Variants in SLC25A27 observed in about 807,000 individuals in gnomAD.
SLC25A27 encodes the protein mitochondrial uncoupling protein 4.
SLC25A27 carries 35 observed loss-of-function variants against 49.1 expected under a neutral mutation model. That is an observed-to-expected ratio of 0.71 (90% CI 0.54 to 0.95). The LOEUF (loss-of-function observed/expected upper bound fraction) is 0.95, where lower values mean the gene tolerates loss of function less well. Ranked by LOEUF, SLC25A27 falls within the 40% of genes least tolerant of loss-of-function variation. The pLI is 0.00. For synonymous variants in SLC25A27, 144 were observed against 136.9 expected, an observed-to-expected ratio of 1.05 and a Z score of -0.36; for missense variants, 339 against 397.1, an observed-to-expected ratio of 0.85 and a Z score of 1.24.
intron 8 of SLC25A27, among the ~76,000 whole-genome samples, chr6:46,674,227 C>T (rs1467616228): frequency 6.6e-6 from 1 of 152,122 alleles, no homozygotes; most frequent in Non-Finnish European, 1.5e-5. Context: ...GTGCAAAGCT[C>T]TACATACATT....
chr6:46,664,246 A>G (rs1763254059), intron 4 of SLC25A27, among the ~76,000 whole-genome samples: 1 of 152,246 alleles, frequency 6.6e-6, no homozygotes. Flanking sequence ...AATGAGCAAG[A>G]TAAAGATAGT....
chr6:46,656,582 GA>G (rs1406616559), intron 2 of SLC25A27, among the ~76,000 whole-genome samples: 1 of 151,938 alleles, frequency 6.6e-6, no homozygotes, highest in Non-Finnish European at 1.5e-5. Context: ...TTGACCTTGT[GA>G]AATTTTTGTA....
rs756910447 is a variant in SLC25A27 at position 46,659,007 on chromosome 6, T to C, written c.344T>C (p.Val115Ala). The change falls in exon 3 of 9, where the codon GTT (valine) becomes GCT (alanine). Residue 115 changes from valine (V) to alanine (A), a missense_variant. Physicochemically the swap from Val to Ala is moderately conservative, Grantham distance 64 (BLOSUM62 0). Coordinates refer to ENST00000371347, the MANE Select transcript of SLC25A27 (RefSeq NM_004277.5). ...GTCACATATGAACATCTCCGAGAGGTTGTGTTTGGCAAAAGTGAAGATGAG... is the reference window on the plus strand; with the variant it reads ...GTCACATATGAACATCTCCGAGAGGCTGTGTTTGGCAAAAGTGAAGATGAG... The part of the protein sequence containing the change: ...RMVTYEHLRE[V>A]VFGKSEDEHY... 2.5e-6 allele frequency: 4 copies of C among 1,613,330 alleles called. No individual in the cohort carries two copies. The highest frequency in any genetic ancestry group is 2.2e-5 in the East Asian group (1 of 44,836).
At position 46,653,172 on chromosome 6, in the gene SLC25A27, A is replaced by C. The variant is rs376383892; in HGVS notation, c.-21A>C. The C allele has an allele frequency of 1.9e-6, 3 of 1,605,544 alleles. No homozygotes were observed. The highest frequency in any genetic ancestry group is 1.1e-5 in the South Asian group (1 of 90,228). On this transcript the variant is annotated 5_prime_UTR_variant, in exon 1 of 9. Transcript: ENST00000371347. ...GCGCAGCGGCGAGAAGGAGTGCGTT[A>C]TCGTCTTGCGCTACTGCTGAATGTC...
intron 1 of SLC25A27, 79 bp from the exon 2 acceptor site, chr6:46,655,764 A>G: frequency 8.1e-7 from 1 of 1,229,438 alleles, no homozygotes; most frequent in African/African-American, 1.5e-5. Context: ...TCTTGGGAAA[A>G]TATTACTCCT....
rs1321974541 is a variant in SLC25A27, at chr6:46,671,177, T to A, written c.849T>A (p.Gly283=). 1 of 1,603,610 alleles carries A rather than the reference T, an allele frequency of 6.2e-7. No individual in the cohort carries two copies. Among genetic ancestry groups the A allele is most frequent in the South Asian group, 1.1e-5 (1 of 88,926 alleles). The change falls in exon 8 of 9, where the codon GGT becomes GGA. Residue 283 remains glycine (G), a synonymous_variant. Coordinates refer to ENST00000371347, the MANE Select transcript of SLC25A27 (RefSeq NM_004277.5). ...STDCLIQAVQ[G]EGFMSLYKGF... ...ACTGCTTGATTCAGGCTGTTCAAGGTGAAGGATTCATGAGTCTATATAAAG... is the reference window on the plus strand; with the variant it reads ...ACTGCTTGATTCAGGCTGTTCAAGGAGAAGGATTCATGAGTCTATATAAAG...
chr6:46,662,382 A>C lies in SLC25A27; in HGVS notation c.390A>C (p.Ser130=), dbSNP rs1297767773. 1 of 1,613,000 alleles carries C rather than the reference A, an allele frequency of 6.2e-7. No individual in the cohort carries two copies. Among genetic ancestry groups the C allele is most frequent in the East Asian group, 2.2e-5 (1 of 44,878 alleles). ...SEDEHYPLWK[S]VIGGMMAGVI... ...AATTTCCTTCTGCAATTAGGAAATC[A>C]GTCATTGGAGGGATGATGGCTGGTG... Residue 130 remains serine (S), a synonymous_variant, in exon 4 of 9, where the codon TCA becomes TCC. Transcript: ENST00000371347.
intron 7 of SLC25A27, 130 bp downstream of exon 7, chr6:46,670,357 T>C (rs1004061664): frequency 1.1e-5 from 7 of 643,728 alleles, no homozygotes; most frequent in Non-Finnish European, 2.7e-6. Context: ...GAGCGCATTT[T>C]TTTTATGCAA....
At position 46,670,981 on chromosome 6, in the gene SLC25A27, C is replaced by T. The variant is rs757585141; in HGVS notation, c.798-145C>T. 1.3e-4 allele frequency: 69 copies of T among 532,360 alleles called. 1 individual carries two copies. The highest frequency in any genetic ancestry group is 1.1e-3 in the Middle Eastern group (2 of 1,896). 33.0% of individuals were successfully genotyped at this position (532,360 alleles called of 1,614,324 possible). A position where few individuals can be genotyped will look rare whatever the true frequency, so the allele number is the denominator to read the frequency against. On this transcript the variant is annotated intron_variant, in intron 7 of 8. Transcript: ENST00000371347. ...TCCTGACCTCATGATCTGCCTGCCT[C>T]GGCCTCCCAAAGTGCTGGGATTACA... is the stretch of plus-strand genomic sequence containing the variant.
chr6:46,656,685 C>G (rs1269287339), intron 2 of SLC25A27, among the ~76,000 whole-genome samples: 1 of 152,146 alleles, frequency 6.6e-6, no homozygotes, highest in Non-Finnish European at 1.5e-5. Context: ...TCCCAAAGTG[C>G]TAGGATTACA....
Position 46,653,160 on chromosome 6 carries a change from A to T in SLC25A27, c.-33A>T. On this transcript the variant is annotated 5_prime_UTR_variant, in exon 1 of 9. Transcript: ENST00000371347. ...CGGCGCGGTGCAGCGCAGCGGCGAG[A>T]AGGAGTGCGTTATCGTCTTGCGCTA... is the stretch of plus-strand genomic sequence containing the variant. 6.3e-7 allele frequency: 1 copy of T among 1,585,618 alleles called. No individual in the cohort carries two copies. The highest frequency in any genetic ancestry group is 8.6e-7 in the Non-Finnish European group (1 of 1,157,440).
chr6:46,653,345 C>G (rs1762828654), intron 1 of SLC25A27, 47 bp downstream of exon 1: 1 of 1,572,286 alleles, frequency 6.4e-7, no homozygotes, highest in Non-Finnish European at 8.6e-7. Flanking sequence ...TGGCACGCGC[C>G]GCGCTGGGGG....
At chr6:46,654,954 A>G (rs1272692160) in intron 1 of SLC25A27, among the ~76,000 whole-genome samples, 2 of 152,212 alleles carry the variant, frequency 1.3e-5, no homozygotes, top group Non-Finnish European at 2.9e-5. Flanking sequence ...TCTGAATGTT[A>G]TTATTTTAAT....
chr6:46,653,141 G>T lies in SLC25A27; in HGVS notation c.-52G>T. 6.6e-7 allele frequency: 1 copy of T among 1,524,006 alleles called. No homozygotes were observed. Among genetic ancestry groups the T allele is most frequent in the Non-Finnish European group, 9.0e-7 (1 of 1,106,898 alleles). 94.4% of individuals were successfully genotyped at this position (1,524,006 alleles called of 1,614,324 possible). The stretch of plus-strand genomic sequence containing the variant: ...GGCAGGGAAGCGGCCGCCGCGGCGC[G>T]GTGCAGCGCAGCGGCGAGAAGGAGT... On this transcript the variant is annotated 5_prime_UTR_variant, in exon 1 of 9. Coordinates refer to ENST00000371347, the MANE Select transcript of SLC25A27 (RefSeq NM_004277.5).
At chr6:46,671,268 C>A (rs774417717) in intron 8 of SLC25A27, 40 bp downstream of exon 8, 1 of 1,145,192 alleles carries the variant, frequency 8.7e-7, no homozygotes, top group Non-Finnish European at 1.3e-6. Context: ...TTTCTTTGTA[C>A]TTAAATTACT....
intron 6 of SLC25A27, among the ~76,000 whole-genome samples, chr6:46,669,503 G>T (rs1439361034): frequency 6.6e-6 from 1 of 152,118 alleles, no homozygotes; most frequent in Non-Finnish European, 1.5e-5. Context: ...AACTTCCTAT[G>T]CTATTTAGAT....
chr6:46,660,369 CA>C (rs1304343601), intron 3 of SLC25A27, among the ~76,000 whole-genome samples: 3 of 152,060 alleles, frequency 2.0e-5, no homozygotes, highest in Non-Finnish European at 2.9e-5. Context: ...CACCAATAAT[CA>C]GGGAAATTAA....
At chr6:46,656,647 G>A (rs961227073) in intron 2 of SLC25A27, among the ~76,000 whole-genome samples, 1 of 152,126 alleles carries the variant, frequency 6.6e-6, no homozygotes, top group Non-Finnish European at 1.5e-5. Flanking sequence ...CCAAACTCCT[G>A]ACCTCAGGTG....
chr6:46,672,208 A>G (rs1416436573), intron 8 of SLC25A27, among the ~76,000 whole-genome samples: 2 of 151,858 alleles, frequency 1.3e-5, no homozygotes, highest in Non-Finnish European at 2.9e-5. Flanking sequence ...AGAGGGCAGG[A>G]AAAAAAACAT....
Sources: gnomAD v4.1 joint callset for allele counts (sites outside exome capture counted in the v4.1 genomes callset) on GRCh38, gnomAD v4.1.1 for gene constraint, MANE v1.5 for transcripts, NCBI Gene and HGNC (gene_info 2026-07-23, HGNC 2026-07-21) for gene names.